CEP55: variants seen among roughly 807,000 people sequenced by gnomAD.
CEP55 encodes centrosomal protein of 55 kDa.
A neutral mutation model predicts 63.2 loss-of-function variants in CEP55; 57 were observed. That is an observed-to-expected ratio of 0.90 (90% CI 0.73 to 1.13). CEP55 has a LOEUF of 1.13. Among genes scored for constraint, CEP55 ranks in the 50% most tolerant of loss-of-function variants. The pLI is 0.00. For missense variants in CEP55, 456 were observed against 518.9 expected (o/e 0.88, Z 1.18); for synonymous variants, 178 against 191.6 (o/e 0.93, Z 0.59).
chr10:93,527,242 C>T (rs2057933453), intron 8 of CEP55, among the ~76,000 whole-genome samples: 1 of 152,156 alleles, frequency 6.6e-6, no homozygotes, highest in Admixed American at 6.5e-5. Context: ...TTAGTCATTT[C>T]TGTGTATAAG....
At chr10:93,512,514 C>CAA (rs10707952) in intron 4 of CEP55, among the ~76,000 whole-genome samples, 21 of 91,900 alleles carry the variant, frequency 2.3e-4, no homozygotes, top group African/African-American at 7.9e-4. Flanking sequence ...AACTCCGTCT[C>CAA]AAAAAAAAAA....
chr10:93,524,973 A>G (rs1443639804), intron 8 of CEP55, among the ~76,000 whole-genome samples: 1 of 151,870 alleles, frequency 6.6e-6, no homozygotes, highest in Non-Finnish European at 1.5e-5. Flanking sequence ...ACAAACCCAC[A>G]GCCAATATCA....
chr10:93,512,037 G>A (rs2134473875), intron 4 of CEP55, among the ~76,000 whole-genome samples: 1 of 151,338 alleles, frequency 6.6e-6, no homozygotes, highest in Admixed American at 6.6e-5. Context: ...GAGACCAGCT[G>A]GGCCAACATG....
intron 7 of CEP55, 108 bp downstream of exon 7, chr10:93,519,056 T>C: frequency 1.3e-6 from 1 of 780,834 alleles, no homozygotes; most frequent in Non-Finnish European, 2.1e-6. Context: ...GTGAAAAGTG[T>C]CTTTAAAAGA....
At chr10:93,521,000 G>C (rs1162330237) in intron 8 of CEP55, among the ~76,000 whole-genome samples, 1 of 152,166 alleles carries the variant, frequency 6.6e-6, no homozygotes, top group Non-Finnish European at 1.5e-5. Context: ...TGGCTGAATA[G>C]GAACAGCTCC....
chr10:93,518,907 CA>C lies in CEP55; in HGVS notation c.1025del (p.Gln342ArgfsTer8). On this transcript the variant is annotated frameshift_variant, in exon 7 of 9. Coordinates refer to ENST00000371485, the MANE Select transcript of CEP55 (RefSeq NM_018131.5). LOFTEE classifies it high-confidence loss of function. ...GTTTCTTTACACATCTCTGCTAAAG[CA>C]GCAAGAAGAACAAACAAGGGTAGCT... Reference protein sequence around the residue: ...VQFLYTSLLKQQEEQTRVALL... With the variant: ...VQFLYTSLLKXQEEQTRVALL... The C allele has an allele frequency of 6.2e-7, 1 of 1,612,464 alleles. No homozygotes were observed. Among genetic ancestry groups the C allele is most frequent in the Non-Finnish European group, 8.5e-7 (1 of 1,178,610 alleles).
chr10:93,527,608 G>T (rs12243467), intron 8 of CEP55, among the ~76,000 whole-genome samples: 2,412 of 152,274 alleles, frequency 0.016, 48 homozygotes, highest in African/African-American at 0.048. Flanking sequence ...GTTCATGCCT[G>T]TAATCCCAAC....
intron 8 of CEP55, among the ~76,000 whole-genome samples, chr10:93,521,366 A>G (rs1287585978): frequency 1.3e-5 from 2 of 152,194 alleles, no homozygotes; most frequent in Admixed American, 1.3e-4. Context: ...GCAGTCTGAG[A>G]TCAAACTGCA....
intron 3 of CEP55, among the ~76,000 whole-genome samples, chr10:93,504,687 C>G (rs1331564897): frequency 6.6e-6 from 1 of 152,146 alleles, no homozygotes. Context: ...AGAGCTGAAA[C>G]TCATAAAACG....
Position 93,515,313 on chromosome 10 carries a change from T to C in CEP55, c.529-92T>C, listed in dbSNP as rs2057792402. The stretch of plus-strand genomic sequence containing the variant: ...TAGTCTATGAGCCATAGAGTTTTTG[T>C]TGGAAAAGACTACATCACTTGGACT... On this transcript the variant is annotated intron_variant, in intron 4 of 8. Transcript: ENST00000371485. 4.1e-6 allele frequency: 5 copies of C among 1,208,556 alleles called. No homozygotes were observed. The East Asian group carries it at 1.2e-4, about 29-fold the overall frequency. 74.9% of individuals were successfully genotyped at this position (1,208,556 alleles called of 1,614,324 possible). A position where few individuals can be genotyped will look rare whatever the true frequency, so the allele number is the denominator to read the frequency against.
rs190327306 is a variant in CEP55 at position 93,503,036 on chromosome 10, T to C, written c.184-77T>C. The C allele has an allele frequency of 1.1e-4, 146 of 1,303,750 alleles. No individual in the cohort carries two copies. In the African/African-American group the frequency reaches 2.0e-3, roughly 18 times the overall value. 80.8% of individuals were successfully genotyped at this position (1,303,750 alleles called of 1,614,324 possible). ...GACTTGATAATAAATGCTTCATAAATGCTTGTTGAAGTATATATTGTTTAG... is the reference window on the plus strand; with the variant it reads ...GACTTGATAATAAATGCTTCATAAACGCTTGTTGAAGTATATATTGTTTAG... On this transcript the variant is annotated intron_variant, in intron 2 of 8. Transcript: ENST00000371485.
intron 8 of CEP55, among the ~76,000 whole-genome samples, chr10:93,525,438 G>A (rs1011393712): frequency 5.9e-5 from 9 of 152,124 alleles, no homozygotes; most frequent in African/African-American, 1.9e-4. Context: ...AATAAAAGAG[G>A]ATACAAACAA....
At chr10:93,502,259 G>A (rs891649101) in intron 2 of CEP55, among the ~76,000 whole-genome samples, 2 of 152,132 alleles carry the variant, frequency 1.3e-5, no homozygotes, top group Admixed American at 6.5e-5. Context: ...GCTGGATACT[G>A]TACTCCATTA....
At chr10:93,506,426 G>A (rs2134463888) in intron 3 of CEP55, among the ~76,000 whole-genome samples, 1 of 152,280 alleles carries the variant, frequency 6.6e-6, no homozygotes, top group East Asian at 1.9e-4. Flanking sequence ...GGGTCTAGAG[G>A]ACTGCAGAAG....
rs1314683072 is a variant in CEP55 at position 93,517,266 on chromosome 10, C to T, written c.993+18C>T. On this transcript the variant is annotated intron_variant, in intron 6 of 8. Coordinates refer to ENST00000371485, the MANE Select transcript of CEP55 (RefSeq NM_018131.5). ...TATCTCAGGTAAACTTAACCAGATC[C>T]ATAATTCAGAGTGTTCACCGAACAC... 2 of 1,562,372 alleles carry T rather than the reference C, an allele frequency of 1.3e-6. No homozygotes were observed.
intron 3 of CEP55, among the ~76,000 whole-genome samples, chr10:93,505,946 G>A (rs2057684223): frequency 6.6e-6 from 1 of 152,066 alleles, no homozygotes; most frequent in South Asian, 2.1e-4. Context: ...TAGCCAGGCT[G>A]GTCTTGAACT....
intron 4 of CEP55, among the ~76,000 whole-genome samples, chr10:93,514,953 A>G (rs2057788621): frequency 6.6e-6 from 1 of 152,058 alleles, no homozygotes; most frequent in African/African-American, 2.4e-5. Flanking sequence ...TTGTATTTTT[A>G]TTAGAGACAG....
At chr10:93,501,390 A>C (rs1332632085) in intron 2 of CEP55, among the ~76,000 whole-genome samples, 4 of 152,230 alleles carry the variant, frequency 2.6e-5, no homozygotes, top group African/African-American at 9.6e-5. Flanking sequence ...GTTTGTATTT[A>C]GAAAATAAAT....
At chr10:93,506,065 C>T (rs2057685195) in intron 3 of CEP55, among the ~76,000 whole-genome samples, 1 of 151,454 alleles carries the variant, frequency 6.6e-6, no homozygotes, top group Non-Finnish European at 1.5e-5. Context: ...CTGCCTCAGC[C>T]CCCCGACTAG....
Sources: allele counts gnomAD v4.1 joint callset (sites outside exome capture counted in the v4.1 genomes callset), GRCh38; gene constraint gnomAD v4.1.1; transcripts MANE v1.5; gene names NCBI Gene and HGNC (gene_info 2026-07-23, HGNC 2026-07-21).